Variants in TAFA2 observed in about 807,000 individuals in gnomAD.
TAFA2 encodes chemokine-like protein TAFA-2.
Under a neutral mutation model 18.8 loss-of-function variants are expected in TAFA2, and 7 were observed. The ratio of observed to expected loss-of-function variants is 0.37; its 90% CI spans 0.21 to 0.70. The LOEUF (loss-of-function observed/expected upper bound fraction) is 0.70, where lower values mean the gene tolerates loss of function less well. TAFA2 is among the 30% of genes least tolerant of loss of function. TAFA2 has a pLI of 0.53. For missense variants in TAFA2, 122 were observed against 158.1 expected (o/e 0.77, Z 1.23); for synonymous variants, 60 against 54.2 (o/e 1.11, Z -0.47).
At chr12:62,250,750 A>G (rs1348932311) in intron 1 of TAFA2, among the ~76,000 whole-genome samples, 1 of 152,216 alleles carries the variant, frequency 6.6e-6, no homozygotes, top group Non-Finnish European at 1.5e-5. Flanking sequence ...AGAAATTTTC[A>G]GCAAATGATT....
chr12:61,902,332 C>G (rs533719962), intron 1 of TAFA2, among the ~76,000 whole-genome samples: 1 of 152,220 alleles, frequency 6.6e-6, no homozygotes, highest in East Asian at 1.9e-4. Context: ...TATTTCCAAC[C>G]AGTTCAAAGC....
At chr12:61,731,692 TA>T (rs1870458081) in intron 4 of TAFA2, among the ~76,000 whole-genome samples, 1 of 152,118 alleles carries the variant, frequency 6.6e-6, no homozygotes, top group Non-Finnish European at 1.5e-5. Context: ...GATTTACTGC[TA>T]TTAATATTAT....
chr12:62,126,637 G>T (rs1362330286), intron 1 of TAFA2, among the ~76,000 whole-genome samples: 2 of 151,970 alleles, frequency 1.3e-5, no homozygotes, highest in Non-Finnish European at 2.9e-5. Context: ...GATATTCCAT[G>T]CTGAGAGAAT....
intron 2 of TAFA2, among the ~76,000 whole-genome samples, chr12:61,815,661 TAAA>T (rs1338864157): frequency 7.8e-6 from 1 of 128,906 alleles, no homozygotes. Flanking sequence ...AGACTCCGTC[TAAA>T]AAAAAAAAAA....
At position 62,147,654 on chromosome 12, in the gene TAFA2, C is replaced by A. The variant is rs112843001; in HGVS notation, c.-2+43605G>T. Among the ~76,000 whole-genome samples the A allele has an allele frequency of 4.3e-3, 632 of 147,302 alleles. 6 individuals are homozygous for A. Among genetic ancestry groups the A allele is most frequent in the African/African-American group, 0.015 (584 of 40,070 alleles). On this transcript the variant is annotated intron_variant, in intron 1 of 4. Transcript: ENST00000416284. ...CTGAGGCAGGAGAATGGGGTGAACC[C>A]GGGAGGCGGAGCTTGCAGTGAGCCA... is the stretch of plus-strand genomic sequence containing the variant.
chr12:61,908,265 G>C (rs1428656575), intron 1 of TAFA2, among the ~76,000 whole-genome samples: 1 of 152,094 alleles, frequency 6.6e-6, no homozygotes, highest in Non-Finnish European at 1.5e-5. Context: ...GGACCCAGTG[G>C]GAGGTAATCA....
chr12:62,141,605 G>C (rs895377270), intron 1 of TAFA2, among the ~76,000 whole-genome samples: 1 of 152,060 alleles, frequency 6.6e-6, no homozygotes, highest in Non-Finnish European at 1.5e-5. Context: ...CAATGGTTTT[G>C]TCTTTTTTAG....
intron 1 of TAFA2, among the ~76,000 whole-genome samples, chr12:61,872,904 T>C (rs1413835346): frequency 1.3e-5 from 2 of 152,208 alleles, no homozygotes; most frequent in Admixed American, 6.5e-5. Flanking sequence ...TAGCATTTTC[T>C]CTATTTATTC....
At chr12:61,831,012 C>T (rs1458303638) in intron 2 of TAFA2, among the ~76,000 whole-genome samples, 1 of 151,964 alleles carries the variant, frequency 6.6e-6, no homozygotes, top group Non-Finnish European at 1.5e-5. Flanking sequence ...AGTTTTTGAA[C>T]TCCATTTTGT....
chr12:61,785,671 A>G (rs1195108210), intron 2 of TAFA2, among the ~76,000 whole-genome samples: 2 of 151,546 alleles, frequency 1.3e-5, no homozygotes, highest in Non-Finnish European at 3.0e-5. Context: ...GCACTTCAGT[A>G]TGTGAACAAA....
chr12:62,087,343 A>G (rs1431847149), intron 1 of TAFA2, among the ~76,000 whole-genome samples: 1 of 152,192 alleles, frequency 6.6e-6, no homozygotes, highest in Non-Finnish European at 1.5e-5. Flanking sequence ...GTATACAAAG[A>G]TAATTTCAGG....
intron 1 of TAFA2, among the ~76,000 whole-genome samples, chr12:62,027,956 T>C (rs1300923235): frequency 2.0e-5 from 3 of 152,158 alleles, no homozygotes; most frequent in Non-Finnish European, 4.4e-5. Context: ...TTCCCTGTTA[T>C]CCAACTAGCC....
intron 1 of TAFA2, among the ~76,000 whole-genome samples, chr12:61,900,034 T>C (rs1876029987): frequency 6.6e-6 from 1 of 152,218 alleles, no homozygotes; most frequent in Non-Finnish European, 1.5e-5. Context: ...TTGCATCCAG[T>C]TGTATTTCAT....
At chr12:61,832,723 T>C (rs1281143913) in intron 2 of TAFA2, among the ~76,000 whole-genome samples, 2 of 152,042 alleles carry the variant, frequency 1.3e-5, no homozygotes, top group Admixed American at 1.3e-4. Flanking sequence ...TAAAACTCTG[T>C]CTAAATATTA....
chr12:62,129,965 T>G (rs1305153332), intron 1 of TAFA2, among the ~76,000 whole-genome samples: 1 of 152,056 alleles, frequency 6.6e-6, no homozygotes, highest in Non-Finnish European at 1.5e-5. Context: ...TAAGTTTTCA[T>G]GTTATGTTTT....
At chr12:62,238,086 G>A (rs2062846185) in intron 1 of TAFA2, among the ~76,000 whole-genome samples, 2 of 152,158 alleles carry the variant, frequency 1.3e-5, no homozygotes, top group East Asian at 3.9e-4. Context: ...AGCAGGAATG[G>A]TTTTCCTGCA....
intron 2 of TAFA2, among the ~76,000 whole-genome samples, chr12:61,828,434 A>C (rs1033645413): frequency 1.8e-4 from 27 of 151,864 alleles, no homozygotes; most frequent in African/African-American, 6.5e-4. Flanking sequence ...GCCTCAACAC[A>C]TGGTCATAAA....
chr12:61,726,722 T>C (rs757208290), intron 4 of TAFA2, among the ~76,000 whole-genome samples: 5 of 152,068 alleles, frequency 3.3e-5, no homozygotes, highest in Non-Finnish European at 7.4e-5. Context: ...GGATGTCCTT[T>C]ATTTCTTTTT....
chr12:62,182,508 C>G (rs1040984184), intron 1 of TAFA2, among the ~76,000 whole-genome samples: 3 of 152,188 alleles, frequency 2.0e-5, no homozygotes, highest in Admixed American at 2.0e-4. Context: ...CACGGGCCAA[C>G]AGTATTCAGC....
Sources: gnomAD v4.1 joint callset for allele counts (sites outside exome capture counted in the v4.1 genomes callset) on GRCh38, gnomAD v4.1.1 for gene constraint, MANE v1.5 for transcripts, NCBI Gene and HGNC (gene_info 2026-07-23, HGNC 2026-07-21) for gene names.